FAM162B: variants seen among roughly 807,000 people sequenced by gnomAD.
FAM162B encodes the protein protein FAM162B.
In FAM162B, 16 loss-of-function variants were observed where a neutral mutation model predicts 20.0. That is an observed-to-expected ratio of 0.80 (90% CI 0.54 to 1.21). The LOEUF is 1.21. Among genes scored for constraint, FAM162B ranks in the 50% most tolerant of loss-of-function variants. FAM162B has a pLI of 0.00. For missense variants in FAM162B, 260 were observed against 227.5 expected, an observed-to-expected ratio of 1.14 and a Z score of -0.92; for synonymous variants, 83 against 89.7, an observed-to-expected ratio of 0.93 and a Z score of 0.42.
intron 3 of FAM162B, among the ~76,000 whole-genome samples, chr6:116,759,501 G>A (rs1321583557): frequency 6.6e-6 from 1 of 151,474 alleles, no homozygotes; most frequent in Non-Finnish European, 1.5e-5. Context: ...TAGTGACGGA[G>A]CTTCACCGTG....
At chr6:116,761,668 A>G (rs369758741) in intron 3 of FAM162B, among the ~76,000 whole-genome samples, 3 of 98,586 alleles carry the variant, frequency 3.0e-5, no homozygotes, top group African/African-American at 4.3e-5. Context: ...ACTTATATAT[A>G]TACTTATATA....
chr6:116,765,514 G>A lies in FAM162B; in HGVS notation c.63C>T (p.Pro21=). The A allele has an allele frequency of 7.1e-7, 1 of 1,399,136 alleles. No homozygotes were observed. Among genetic ancestry groups the A allele is most frequent in the Non-Finnish European group, 9.2e-7 (1 of 1,084,128 alleles). 86.7% of individuals were successfully genotyped at this position (1,399,136 alleles called of 1,614,324 possible). A position where few individuals can be genotyped will look rare whatever the true frequency, so the allele number is the denominator to read the frequency against. The part of the protein sequence containing the change: ...LGRGLTVRCG[P]GAPLEATRRP... ...GTCGCGTGGCCTCGAGAGGCGCCCC[G>A]GGGCCGCAGCGGACTGTTAGCCCGC... The change falls in exon 1 of 4, where the codon CCC becomes CCT. Residue 21 remains proline (P), a synonymous_variant. Coordinates refer to ENST00000368557, the MANE Select transcript of FAM162B (RefSeq NM_001085480.3).
intron 3 of FAM162B, among the ~76,000 whole-genome samples, chr6:116,754,694 CT>C (rs1457278481): frequency 6.6e-6 from 1 of 151,796 alleles, no homozygotes; most frequent in Non-Finnish European, 1.5e-5. Context: ...CTTTCTTCTT[CT>C]TCTTTTTTTG....
At chr6:116,756,793 C>T (rs1336282895) in intron 3 of FAM162B, among the ~76,000 whole-genome samples, 1 of 152,208 alleles carries the variant, frequency 6.6e-6, no homozygotes, top group East Asian at 1.9e-4. Flanking sequence ...GATTACAACT[C>T]ATTGTGTACT....
At chr6:116,755,007 C>G (rs1165259019) in intron 3 of FAM162B, among the ~76,000 whole-genome samples, 1 of 152,178 alleles carries the variant, frequency 6.6e-6, no homozygotes, top group Non-Finnish European at 1.5e-5. Context: ...CTCTCCCTCT[C>G]TTTGGGCCTC....
chr6:116,765,534 G>A lies in FAM162B; in HGVS notation c.43C>T (p.Leu15=). ...VGSLLRLGRG[L]TVRCGPGAPL... is the part of the protein sequence containing the mutation. ...GCCCCGGGGCCGCAGCGGACTGTTA[G>A]CCCGCGGCCAAGGCGCAGTAGGCTC... is the stretch of plus-strand genomic sequence containing the variant. Residue 15 remains leucine (L), a synonymous_variant, in exon 1 of 4, where the codon CTA becomes TTA. Coordinates refer to ENST00000368557, the MANE Select transcript of FAM162B (RefSeq NM_001085480.3). The A allele has an allele frequency of 7.2e-7, 1 of 1,391,358 alleles. No individual in the cohort carries two copies. Among genetic ancestry groups the A allele is most frequent in the Non-Finnish European group, 9.3e-7 (1 of 1,081,062 alleles). 86.2% of individuals were successfully genotyped at this position (1,391,358 alleles called of 1,614,324 possible).
chr6:116,755,955 C>G (rs1382015958), intron 3 of FAM162B, among the ~76,000 whole-genome samples: 1 of 152,094 alleles, frequency 6.6e-6, no homozygotes, highest in Non-Finnish European at 1.5e-5. Flanking sequence ...TGACAATGCA[C>G]CTGGTCACTC....
intron 2 of FAM162B, among the ~76,000 whole-genome samples, chr6:116,764,551 G>T (rs537428750): frequency 6.6e-6 from 1 of 152,224 alleles, no homozygotes; most frequent in African/African-American, 2.4e-5. Flanking sequence ...TTAGCATGCT[G>T]AAGAGGCCCA....
chr6:116,755,993 G>T (rs568462735), intron 3 of FAM162B, among the ~76,000 whole-genome samples: 1 of 152,158 alleles, frequency 6.6e-6, no homozygotes, highest in Non-Finnish European at 1.5e-5. Flanking sequence ...TTTACAAGGA[G>T]ATTAATATTT....
At chr6:116,755,464 C>T in intron 3 of FAM162B, among the ~76,000 whole-genome samples, 1 of 152,222 alleles carries the variant, frequency 6.6e-6, no homozygotes, top group East Asian at 1.9e-4. Context: ...GTTCATGAGG[C>T]TGAAGGAAAG....
chr6:116,761,884 A>G, intron 3 of FAM162B, 93 bp downstream of exon 3: 3 of 841,382 alleles, frequency 3.6e-6, no homozygotes, highest in Non-Finnish European at 5.4e-6. Flanking sequence ...CTAAGGAGGT[A>G]CTCACCCTTT....
rs548426622 is a variant in FAM162B, at chr6:116,761,050, C to T, written c.390+927G>A. On this transcript the variant is annotated intron_variant, in intron 3 of 3. Coordinates refer to ENST00000368557, the MANE Select transcript of FAM162B (RefSeq NM_001085480.3). ...CTAATGGCTTCAGTTGCAGGTGCCA[C>T]GATGAGGAGGGGCACTGTTAAAACT... Among the ~76,000 whole-genome samples, 3 of 152,186 alleles carry T rather than the reference C, an allele frequency of 2.0e-5. No homozygotes were observed. The South Asian group carries it at 6.2e-4, about 32-fold the overall frequency.
chr6:116,764,660 G>T (rs1403192321), intron 2 of FAM162B, among the ~76,000 whole-genome samples: 1 of 151,946 alleles, frequency 6.6e-6, no homozygotes, highest in African/African-American at 2.4e-5. Context: ...AGAAGAGGAG[G>T]CCGCATGGAT....
chr6:116,765,166 C>A lies in FAM162B; in HGVS notation c.262G>T (p.Glu88Ter), dbSNP rs771166739. ...LWTGRFKSME[E>*]IPPRIPPEMI... ...ACTTACGGGATCCGAGGCGGGATCT[C>A]CTCCATCGATTTGAAACGCCCTGTC... The change falls in exon 2 of 4, where the codon GAG becomes TAG. Residue 88 changes from glutamate (E) to a stop codon, truncating the protein, a stop_gained. Coordinates refer to ENST00000368557, the MANE Select transcript of FAM162B (RefSeq NM_001085480.3). LOFTEE classifies it high-confidence loss of function. 1 of 1,613,722 alleles carries A rather than the reference C, an allele frequency of 6.2e-7. No homozygotes were observed.
In FAM162B at chr6:116,765,229, G is replaced by T. The variant is rs1211838280; in HGVS notation, c.199C>A (p.Arg67Ser). ...HGEIHRVPTQ[R>S]RPSQFDKKIL... is the part of the protein sequence containing the mutation. ...TTCTTGTCGAACTGCGAAGGCCTGC[G>T]CTGCGTGGGGACTCGGTGAATCTCC... Residue 67 changes from arginine (R) to serine (S), a missense_variant, in exon 2 of 4, where the codon CGC becomes AGC. Arg to Ser is a moderately radical substitution (Grantham distance 110). Coordinates refer to ENST00000368557, the MANE Select transcript of FAM162B (RefSeq NM_001085480.3). The T allele has an allele frequency of 1.2e-6, 2 of 1,613,698 alleles. No homozygotes were observed. The highest frequency in any genetic ancestry group is 1.7e-5 in the Admixed American group (1 of 59,996).
intron 3 of FAM162B, 27 bp from the exon 4 acceptor site, chr6:116,752,722 A>G (rs776705249): frequency 4.7e-6 from 3 of 636,986 alleles, no homozygotes; most frequent in Non-Finnish European, 6.9e-6. Context: ...ATATATATAT[A>G]TATATATATA....
intron 3 of FAM162B, among the ~76,000 whole-genome samples, chr6:116,761,243 CA>C (rs1055067536): frequency 3.9e-5 from 6 of 152,010 alleles, no homozygotes; most frequent in African/African-American, 1.4e-4. Flanking sequence ...AGGCAGAAAA[CA>C]AAATTAGAGG....
intron 3 of FAM162B, among the ~76,000 whole-genome samples, chr6:116,759,300 T>TTTC (rs1362478256): frequency 8.6e-6 from 1 of 115,814 alleles, no homozygotes; most frequent in Non-Finnish European, 1.8e-5. Context: ...TCTTTCTTTC[T>TTTC]TTTTTTTTTT....
At chr6:116,764,974 G>A (rs1470076900) in intron 2 of FAM162B, among the ~76,000 whole-genome samples, 173 bp downstream of exon 2, 1 of 152,180 alleles carries the variant, frequency 6.6e-6, no homozygotes, top group East Asian at 1.9e-4. Flanking sequence ...TTGACACACC[G>A]CACTGGAGGC....
Sources: gnomAD v4.1 joint callset for allele counts (sites outside exome capture counted in the v4.1 genomes callset) on GRCh38, gnomAD v4.1.1 for gene constraint, MANE v1.5 for transcripts, NCBI Gene and HGNC (gene_info 2026-07-23, HGNC 2026-07-21) for gene names.